Variants in SLC35F4 observed in about 807,000 individuals in gnomAD.
SLC35F4 encodes the protein solute carrier family 35 member F4.
SLC35F4 carries 24 observed loss-of-function variants against 44.2 expected under a neutral mutation model. That is an observed-to-expected ratio of 0.54 (90% CI 0.39 to 0.76). SLC35F4 has a LOEUF of 0.76. Among genes scored for constraint, SLC35F4 ranks in the 30% least tolerant of loss-of-function variants. The probability of loss-of-function intolerance (pLI) is 0.00; values close to 1 mark genes in which losing one functional copy is unlikely to be tolerated. For missense variants in SLC35F4, 562 were observed against 586.1 expected, an observed-to-expected ratio of 0.96 and a Z score of 0.42; for synonymous variants, 238 against 223.6, an observed-to-expected ratio of 1.06 and a Z score of -0.57.
chr14:57,838,147 A>G (rs1885121902), intron 1 of SLC35F4, among the ~76,000 whole-genome samples: 1 of 152,242 alleles, frequency 6.6e-6, no homozygotes, highest in South Asian at 2.1e-4. Context: ...ACAAAGAGAT[A>G]CAAAGCAATG....
intron 1 of SLC35F4, among the ~76,000 whole-genome samples, chr14:57,689,095 C>A (rs2075151083): frequency 2.0e-5 from 3 of 152,156 alleles, no homozygotes; most frequent in African/African-American, 7.2e-5. Flanking sequence ...TCCTCTCTTT[C>A]TCCACTGAAA....
chr14:57,958,377 C>T (rs931240449), intron 1 of SLC35F4, among the ~76,000 whole-genome samples: 5 of 152,120 alleles, frequency 3.3e-5, no homozygotes, highest in Non-Finnish European at 5.9e-5. Flanking sequence ...ATGTTGAAAA[C>T]ATTATGCTCA....
At chr14:57,832,819 T>A (rs559134750) in intron 1 of SLC35F4, among the ~76,000 whole-genome samples, 1 of 152,346 alleles carries the variant, frequency 6.6e-6, no homozygotes, top group Non-Finnish European at 1.5e-5. Context: ...CTGTAATTCA[T>A]GTGTAAAATT....
At chr14:57,589,940 C>T (rs1653756081) in intron 2 of SLC35F4, among the ~76,000 whole-genome samples, 1 of 152,192 alleles carries the variant, frequency 6.6e-6, no homozygotes, top group Admixed American at 6.5e-5. Context: ...CTTGCTCTTC[C>T]CCTCTGTCAT....
At chr14:57,851,615 G>A (rs1374598605) in intron 1 of SLC35F4, among the ~76,000 whole-genome samples, 1 of 152,134 alleles carries the variant, frequency 6.6e-6, no homozygotes, top group East Asian at 1.9e-4. Context: ...TGTGTGCCAG[G>A]AAGTTCCTAT....
At chr14:57,875,410 C>T (rs1466367517) in intron 1 of SLC35F4, among the ~76,000 whole-genome samples, 1 of 152,316 alleles carries the variant, frequency 6.6e-6, no homozygotes, top group East Asian at 1.9e-4. Context: ...CAACTCCAAA[C>T]CTTAGTGGCT....
At chr14:57,722,921 C>A (rs938106779) in intron 1 of SLC35F4, among the ~76,000 whole-genome samples, 8 of 152,262 alleles carry the variant, frequency 5.3e-5, no homozygotes, top group Middle Eastern at 6.8e-3. Context: ...GCTGGGTTCC[C>A]TTGAGGAAGG....
At chr14:57,583,707 C>T (rs1008136352) in intron 3 of SLC35F4, among the ~76,000 whole-genome samples, 4 of 152,140 alleles carry the variant, frequency 2.6e-5, no homozygotes, top group Admixed American at 6.5e-5. Flanking sequence ...CTCTCACTGC[C>T]GACCTTCTCC....
At chr14:57,978,252 C>G (rs1881275316) in intron 1 of SLC35F4, among the ~76,000 whole-genome samples, 1 of 152,124 alleles carries the variant, frequency 6.6e-6, no homozygotes, top group Non-Finnish European at 1.5e-5. Flanking sequence ...AGAGCATCAT[C>G]CCTTTCAGAG....
At chr14:57,827,612 C>G (rs768465110) in intron 1 of SLC35F4, among the ~76,000 whole-genome samples, 4 of 151,908 alleles carry the variant, frequency 2.6e-5, no homozygotes, top group Non-Finnish European at 5.9e-5. Context: ...AGATGGAAGG[C>G]AAGAGGACAT....
At chr14:57,610,451 A>G (rs1174172177) in intron 1 of SLC35F4, among the ~76,000 whole-genome samples, 1 of 152,168 alleles carries the variant, frequency 6.6e-6, no homozygotes, top group Admixed American at 6.5e-5. Context: ...CAACTGTACC[A>G]TCTGGACTCA....
intron 1 of SLC35F4, among the ~76,000 whole-genome samples, chr14:57,876,910 A>C (rs987092809): frequency 3.3e-5 from 5 of 152,192 alleles, no homozygotes; most frequent in African/African-American, 1.2e-4. Context: ...ACTGGTAAAT[A>C]GCAGCAAATC....
At chr14:57,964,433 G>T (rs1382300836) in intron 1 of SLC35F4, among the ~76,000 whole-genome samples, 1 of 152,026 alleles carries the variant, frequency 6.6e-6, no homozygotes, top group Non-Finnish European at 1.5e-5. Flanking sequence ...GCTCTTGCAG[G>T]AAAACTCGAA....
intron 1 of SLC35F4, among the ~76,000 whole-genome samples, chr14:57,652,407 C>A (rs1212628146): frequency 6.6e-6 from 1 of 152,118 alleles, no homozygotes; most frequent in African/African-American, 2.4e-5. Flanking sequence ...CTCATTTTGT[C>A]CCAGGAGGAA....
chr14:57,670,716 C>T (rs1178384451), intron 1 of SLC35F4, among the ~76,000 whole-genome samples: 1 of 151,784 alleles, frequency 6.6e-6, no homozygotes, highest in Non-Finnish European at 1.5e-5. Context: ...AATTTCTGTT[C>T]TTTTAACATT....
chr14:57,805,200 A>C (rs144987315), intron 1 of SLC35F4, among the ~76,000 whole-genome samples: 26 of 152,328 alleles, frequency 1.7e-4, no homozygotes, highest in Middle Eastern at 3.4e-3. Context: ...ACCATTGTGG[A>C]AAATGGTGTG....
intron 1 of SLC35F4, among the ~76,000 whole-genome samples, chr14:57,679,348 C>A (rs2074809695): frequency 6.6e-6 from 1 of 152,008 alleles, no homozygotes; most frequent in Admixed American, 6.6e-5. Flanking sequence ...CACAGTGTAC[C>A]AGAATCTCTG....
intron 1 of SLC35F4, among the ~76,000 whole-genome samples, chr14:57,641,885 C>T (rs1269469951): frequency 1.3e-5 from 2 of 151,980 alleles, no homozygotes; most frequent in African/African-American, 2.4e-5. Flanking sequence ...GTATAAGTAA[C>T]TTCTAGGCTT....
At chr14:57,750,377 T>C (rs550641271) in intron 1 of SLC35F4, among the ~76,000 whole-genome samples, 2 of 152,322 alleles carry the variant, frequency 1.3e-5, no homozygotes, top group South Asian at 4.1e-4. Context: ...CTTTGATATA[T>C]TGATTACTTT....
Sources: gnomAD v4.1 joint callset for allele counts (sites outside exome capture counted in the v4.1 genomes callset) on GRCh38, gnomAD v4.1.1 for gene constraint, MANE v1.5 for transcripts, NCBI Gene and HGNC (gene_info 2026-07-23, HGNC 2026-07-21) for gene names.